The following TTC1 variants were observed in gnomAD, a reference collection of about 807,000 sequenced individuals.
TTC1 encodes the protein tetratricopeptide repeat domain 1, also known as tetratricopeptide repeat protein 1.
Under a neutral mutation model 37.6 loss-of-function variants are expected in TTC1, and 31 were observed. The observed-to-expected ratio is 0.82, with a 90% confidence interval of 0.62 to 1.11. The LOEUF is 1.11. TTC1 is among the 50% of genes most tolerant of loss of function. The probability of loss-of-function intolerance (pLI) is 0.00; values close to 1 mark genes in which losing one functional copy is unlikely to be tolerated. For missense variants in TTC1, 351 were observed against 339.0 expected, an observed-to-expected ratio of 1.04 and a Z score of -0.28; for synonymous variants, 127 against 122.4, an observed-to-expected ratio of 1.04 and a Z score of -0.25.
intron 2 of TTC1, among the ~76,000 whole-genome samples, chr5:160,030,702 C>G (rs1756894510): frequency 6.6e-6 from 1 of 152,126 alleles, no homozygotes; most frequent in South Asian, 2.1e-4. Flanking sequence ...CTGTTTCCCC[C>G]TAAGTTTTCA....
intron 7 of TTC1, among the ~76,000 whole-genome samples, chr5:160,058,884 G>T (rs970219641): frequency 6.6e-6 from 1 of 152,086 alleles, no homozygotes; most frequent in African/African-American, 2.4e-5. Flanking sequence ...TTTTTGAAAG[G>T]AATCTTCTTT....
At chr5:160,009,409 C>A (rs1436657183) in intron 1 of TTC1, among the ~76,000 whole-genome samples, 3 of 152,132 alleles carry the variant, frequency 2.0e-5, no homozygotes, top group African/African-American at 7.2e-5. Context: ...TTGGCACATA[C>A]TAGGGCAAAT....
chr5:160,044,250 G>A lies in TTC1; in HGVS notation c.541+1081G>A, dbSNP rs180934611. Among the ~76,000 whole-genome samples the A allele has an allele frequency of 3.8e-3, 586 of 152,244 alleles. 3 individuals carry two copies. Among genetic ancestry groups the A allele is most frequent in the African/African-American group, 0.013 (541 of 41,532 alleles). On this transcript the variant is annotated intron_variant, in intron 5 of 7. Coordinates refer to ENST00000231238, the MANE Select transcript of TTC1 (RefSeq NM_003314.3). The stretch of plus-strand genomic sequence containing the variant: ...ATTCCCCTGCTGTTACCAAAAAGGG[G>A]TCCTGATCCAGACCCCAAGAGAGGA...
At chr5:160,024,708 C>T (rs1462656489) in intron 2 of TTC1, among the ~76,000 whole-genome samples, 2 of 151,332 alleles carry the variant, frequency 1.3e-5, no homozygotes, top group East Asian at 1.9e-4. Context: ...TTTGTTGCCC[C>T]GGTTGGTCTC....
At chr5:160,060,902 T>G (rs1249005707) in intron 7 of TTC1, among the ~76,000 whole-genome samples, 1 of 152,212 alleles carries the variant, frequency 6.6e-6, no homozygotes, top group East Asian at 1.9e-4. Context: ...TTGTAGAAAT[T>G]TTAATGTTTG....
chr5:160,022,986 T>C (rs551987762), intron 2 of TTC1, among the ~76,000 whole-genome samples: 1 of 152,316 alleles, frequency 6.6e-6, no homozygotes, highest in African/African-American at 2.4e-5. Flanking sequence ...CCGGGTGCAG[T>C]GGCTCACGCC....
chr5:160,059,726 T>C (rs1757649393), intron 7 of TTC1, among the ~76,000 whole-genome samples: 1 of 152,380 alleles, frequency 6.6e-6, no homozygotes. Context: ...AGCTGTCTTA[T>C]GCGGGTGCAG....
chr5:160,061,042 A>C (rs1753371894), intron 7 of TTC1, among the ~76,000 whole-genome samples: 1 of 152,256 alleles, frequency 6.6e-6, no homozygotes, highest in African/African-American at 2.4e-5. Context: ...CTCAGTTCTC[A>C]AGCTGTCAGT....
At position 160,018,209 on chromosome 5, in the gene TTC1, G is replaced by A. The variant is rs562328188; in HGVS notation, c.330+7351G>A. On this transcript the variant is annotated intron_variant, in intron 2 of 7. Coordinates refer to ENST00000231238, the MANE Select transcript of TTC1 (RefSeq NM_003314.3). Reference sequence around the variant, plus strand: ...GGCACCATATTGAAGCAAAGAACAAGCCCCTTACCAGACGCGAAATCTGCT... The same window carrying A: ...GGCACCATATTGAAGCAAAGAACAAACCCCTTACCAGACGCGAAATCTGCT... Among the ~76,000 whole-genome samples the A allele has an allele frequency of 3.9e-5, 6 of 152,300 alleles. No homozygotes were observed. In the East Asian group the frequency reaches 1.2e-3, roughly 29 times the overall value.
At chr5:160,009,696 C>T (rs180821445) in intron 1 of TTC1, among the ~76,000 whole-genome samples, 3 of 152,264 alleles carry the variant, frequency 2.0e-5, no homozygotes, top group Admixed American at 6.5e-5. Flanking sequence ...TCTAAAGTAT[C>T]TCTAGTGTTC....
intron 5 of TTC1, among the ~76,000 whole-genome samples, chr5:160,044,390 T>G (rs2113379598): frequency 6.6e-6 from 1 of 152,316 alleles, no homozygotes; most frequent in Middle Eastern, 3.4e-3. Flanking sequence ...AGCAGCAATG[T>G]GGGCTGCTCA....
intron 5 of TTC1, among the ~76,000 whole-genome samples, chr5:160,044,111 T>C (rs1490785296): frequency 1.3e-5 from 2 of 152,340 alleles, no homozygotes; most frequent in Non-Finnish European, 2.9e-5. Flanking sequence ...AAATCACTAT[T>C]TTTGTGTTTT....
chr5:160,051,371 A>G (rs1335840619), intron 7 of TTC1, among the ~76,000 whole-genome samples, 188 bp downstream of exon 7: 1 of 152,034 alleles, frequency 6.6e-6, no homozygotes. Flanking sequence ...TTTTTTGGAA[A>G]CCAGATTTCC....
rs1756479577 is a variant in TTC1 at position 160,010,462 on chromosome 5, G to A, written c.-29-38G>A. 6 of 1,367,446 alleles carry A rather than the reference G, an allele frequency of 4.4e-6. No individual in the cohort carries two copies. In the South Asian group the frequency reaches 8.2e-5, roughly 19 times the overall value. The allele number at this position is 1,367,446 out of a possible 1,614,324, so 84.7% of individuals were successfully genotyped here. On this transcript the variant is annotated intron_variant, in intron 1 of 7. Transcript: ENST00000231238. ...TGAAACAGAACTTTTAAAAATACAA[G>A]CACCATTATATAGCAGTTTTGTTTT...
At chr5:160,025,229 T>C (rs1756781006) in intron 2 of TTC1, among the ~76,000 whole-genome samples, 1 of 152,190 alleles carries the variant, frequency 6.6e-6, no homozygotes, top group Non-Finnish European at 1.5e-5. Context: ...GGTTTGACCA[T>C]GTTGGCCAGG....
Position 160,014,107 on chromosome 5 carries a change from C to T in TTC1, c.330+3249C>T, listed in dbSNP as rs184183433. Among the ~76,000 whole-genome samples, 4 of 152,242 alleles carry T rather than the reference C, an allele frequency of 2.6e-5. No individual in the cohort carries two copies. The South Asian group carries it at 8.3e-4, about 32-fold the overall frequency. ...ATGGCTCACACCTATAATCCCAGCA[C>T]TCTGGGAGGCTGAGGCAGGCAGATC... On this transcript the variant is annotated intron_variant, in intron 2 of 7. Coordinates refer to ENST00000231238, the MANE Select transcript of TTC1 (RefSeq NM_003314.3).
chr5:160,040,743 C>G (rs989841671), intron 4 of TTC1, among the ~76,000 whole-genome samples: 7 of 151,730 alleles, frequency 4.6e-5, no homozygotes, highest in African/African-American at 1.7e-4. Context: ...TGCACTACCA[C>G]TCCCAGCTAA....
Position 160,065,066 on chromosome 5 carries a change from C to T in TTC1, c.*1C>T. 6.2e-7 allele frequency: 1 copy of T among 1,608,428 alleles called. No homozygotes were observed. Among genetic ancestry groups the T allele is most frequent in the East Asian group, 2.2e-5 (1 of 44,856 alleles). ...TCAAAATCCAAATAATAACAGATAA[C>T]AAAGATAACAAAAGCTTTACAAGCT... On this transcript the variant is annotated 3_prime_UTR_variant, in exon 8 of 8. Transcript: ENST00000231238.
At chr5:160,023,576 C>G (rs1255409364) in intron 2 of TTC1, among the ~76,000 whole-genome samples, 1 of 152,148 alleles carries the variant, frequency 6.6e-6, no homozygotes, top group Non-Finnish European at 1.5e-5. Context: ...ACATGTAACT[C>G]TGCTTACCTT....
Sources: gnomAD v4.1 joint callset for allele counts (sites outside exome capture counted in the v4.1 genomes callset) on GRCh38, gnomAD v4.1.1 for gene constraint, MANE v1.5 for transcripts, NCBI Gene and HGNC (gene_info 2026-07-23, HGNC 2026-07-21) for gene names.